Variants in DENND1A observed in about 807,000 individuals in gnomAD.
DENND1A encodes DENN domain containing 1A, also known as DENN domain-containing protein 1A.
A neutral mutation model predicts 113.7 loss-of-function variants in DENND1A; 51 were observed. The ratio of observed to expected loss-of-function variants is 0.45; its 90% CI spans 0.36 to 0.57. The LOEUF (loss-of-function observed/expected upper bound fraction) is 0.57. Among genes scored for constraint, DENND1A ranks in the 20% least tolerant of loss-of-function variants. The pLI, the probability that DENND1A is intolerant of heterozygous loss-of-function variation, is 0.00. For missense variants in DENND1A, 1,258 were observed against 1,395.9 expected, an observed-to-expected ratio of 0.90 and a Z score of 1.57; for synonymous variants, 565 against 570.8, an observed-to-expected ratio of 0.99 and a Z score of 0.14.
intron 13 of DENND1A, among the ~76,000 whole-genome samples, chr9:123,531,945 G>C (rs2055357135): frequency 6.6e-6 from 1 of 152,182 alleles, no homozygotes; most frequent in African/African-American, 2.4e-5. Context: ...CATAGCACCA[G>C]ACATGGGCAG....
chr9:123,849,869 GA>G (rs1843093346), intron 2 of DENND1A, among the ~76,000 whole-genome samples: 1 of 152,178 alleles, frequency 6.6e-6, no homozygotes, highest in Admixed American at 6.5e-5. Flanking sequence ...TTCAGTGGAG[GA>G]AGTAATGCAG....
chr9:123,555,219 T>C (rs1293044645), intron 13 of DENND1A, among the ~76,000 whole-genome samples: 2 of 152,200 alleles, frequency 1.3e-5, no homozygotes, highest in Non-Finnish European at 2.9e-5. Context: ...TGAGTTCCCA[T>C]AACACTCCTC....
At chr9:123,902,174 T>TAAACACACACACACAC (rs1851757424) in intron 1 of DENND1A, among the ~76,000 whole-genome samples, 1 of 132,050 alleles carries the variant, frequency 7.6e-6, no homozygotes, top group Non-Finnish European at 1.7e-5. Context: ...CACACACACA[T>TAAACACACACACACAC]ACACACACAC....
chr9:123,893,423 G>A (rs117719632), intron 1 of DENND1A, among the ~76,000 whole-genome samples: 2,342 of 152,308 alleles, frequency 0.015, 23 homozygotes, highest in East Asian at 0.021. Flanking sequence ...CAGGACATGC[G>A]ATGCAAGACT....
intron 11 of DENND1A, among the ~76,000 whole-genome samples, chr9:123,591,419 A>G (rs1317993993): frequency 6.6e-6 from 1 of 152,164 alleles, no homozygotes; most frequent in Admixed American, 6.5e-5. Context: ...AGCATGCAGC[A>G]CTCAGCCGGG....
At chr9:123,683,683 A>G (rs147441746) in intron 5 of DENND1A, among the ~76,000 whole-genome samples, 396 of 152,298 alleles carry the variant, frequency 2.6e-3, no homozygotes, top group Middle Eastern at 0.01. Context: ...AAAACTCCCC[A>G]TCGTTTATAA....
chr9:123,469,453 T>G (rs900463809), intron 13 of DENND1A, among the ~76,000 whole-genome samples: 2 of 152,210 alleles, frequency 1.3e-5, no homozygotes, highest in Non-Finnish European at 2.9e-5. Context: ...GTAAAGACAT[T>G]CAAATCACAG....
At chr9:123,460,103 G>A (rs2048417763) in intron 13 of DENND1A, among the ~76,000 whole-genome samples, 1 of 152,276 alleles carries the variant, frequency 6.6e-6, no homozygotes, top group Admixed American at 6.5e-5. Context: ...TACAAAATTA[G>A]CTCTGAGCTT....
At chr9:123,816,601 A>G (rs1162904001) in intron 2 of DENND1A, among the ~76,000 whole-genome samples, 1 of 152,246 alleles carries the variant, frequency 6.6e-6, no homozygotes, top group Non-Finnish European at 1.5e-5. Context: ...CAAATCTGTG[A>G]GATCACTAAC....
chr9:123,620,839 G>A (rs2060924464), intron 10 of DENND1A, among the ~76,000 whole-genome samples: 1 of 149,398 alleles, frequency 6.7e-6, no homozygotes, highest in Non-Finnish European at 1.5e-5. Context: ...GCGTCTTGCT[G>A]CTTCTTAGCT....
intron 2 of DENND1A, among the ~76,000 whole-genome samples, chr9:123,807,188 T>C (rs1008859073): frequency 1.1e-4 from 16 of 152,246 alleles, no homozygotes; most frequent in Admixed American, 9.8e-4. Context: ...CATGAGTGAG[T>C]TGTAGGATTA....
At chr9:123,406,096 G>A (rs2043827915) in intron 20 of DENND1A, among the ~76,000 whole-genome samples, 2 of 152,236 alleles carry the variant, frequency 1.3e-5, no homozygotes, top group Non-Finnish European at 2.9e-5. Flanking sequence ...AAGCTTGTGG[G>A]TGACACGGCA....
chr9:123,655,325 T>C (rs2062880850), intron 8 of DENND1A, among the ~76,000 whole-genome samples: 3 of 152,228 alleles, frequency 2.0e-5, no homozygotes, highest in East Asian at 3.9e-4. Flanking sequence ...GAGGAAGCAA[T>C]GGCTGAGGGT....
chr9:123,440,294 T>C (rs1453215759), intron 19 of DENND1A, 66 bp downstream of exon 19: 9 of 1,517,018 alleles, frequency 5.9e-6, no homozygotes, highest in Middle Eastern at 1.8e-4. Flanking sequence ...CTGCATGTGC[T>C]ACTGCTGCTA....
At chr9:123,716,644 C>T (rs1053681732) in intron 5 of DENND1A, among the ~76,000 whole-genome samples, 2 of 152,174 alleles carry the variant, frequency 1.3e-5, no homozygotes, top group Admixed American at 1.3e-4. Context: ...ACGGCTGGCT[C>T]CTGGGTTATA....
At chr9:123,902,969 G>C (rs2133913459) in intron 1 of DENND1A, among the ~76,000 whole-genome samples, 1 of 152,106 alleles carries the variant, frequency 6.6e-6, no homozygotes, top group South Asian at 2.1e-4. Flanking sequence ...AGTATAACAT[G>C]ACCAAGTGGG....
At chr9:123,913,899 CAAAA>C (rs539054836) in intron 1 of DENND1A, among the ~76,000 whole-genome samples, 3 of 108,154 alleles carry the variant, frequency 2.8e-5, no homozygotes, top group Non-Finnish European at 2.0e-5. Context: ...ACTCCTATCT[CAAAA>C]AAAAAAAAAA....
intron 2 of DENND1A, among the ~76,000 whole-genome samples, chr9:123,854,927 C>G (rs927920851): frequency 1.3e-5 from 2 of 150,492 alleles, no homozygotes; most frequent in Admixed American, 1.3e-4. Flanking sequence ...GATAATGAAC[C>G]GATCCTTCAT....
chr9:123,427,779 G>T (rs756721174), intron 19 of DENND1A, among the ~76,000 whole-genome samples: 2 of 152,150 alleles, frequency 1.3e-5, no homozygotes, highest in Non-Finnish European at 2.9e-5. Context: ...GGCCCTACCT[G>T]CAGCACACAA....
Sources: gnomAD v4.1 joint callset for allele counts (sites outside exome capture counted in the v4.1 genomes callset) on GRCh38, gnomAD v4.1.1 for gene constraint, MANE v1.5 for transcripts, NCBI Gene and HGNC (gene_info 2026-07-23, HGNC 2026-07-21) for gene names.